The following CNTN4 variants were observed in gnomAD, a reference collection of about 807,000 sequenced individuals.
The protein encoded by CNTN4 is contactin 4, also known as contactin-4.
Under a neutral mutation model 122.5 loss-of-function variants are expected in CNTN4, and 77 were observed. The observed-to-expected ratio is 0.63, with a 90% CI of 0.52 to 0.76. CNTN4 has a LOEUF of 0.76. Among genes scored for constraint, CNTN4 ranks in the 30% least tolerant of loss-of-function variants. The pLI is 0.00. For synonymous variants in CNTN4, 512 were observed against 447.0 expected, an observed-to-expected ratio of 1.15 and a Z score of -1.83; for missense variants, 1,256 against 1,259.1, an observed-to-expected ratio of 1.00 and a Z score of 0.04.
At chr3:2,221,414 A>G (rs544348408) in intron 2 of CNTN4, among the ~76,000 whole-genome samples, 1 of 152,164 alleles carries the variant, frequency 6.6e-6, no homozygotes, top group South Asian at 2.1e-4. Context: ...AAAATTAATT[A>G]CAAATCATCT....
chr3:2,509,248 C>T (rs186163413), intron 3 of CNTN4, among the ~76,000 whole-genome samples: 4 of 152,294 alleles, frequency 2.6e-5, no homozygotes, highest in African/African-American at 7.2e-5. Flanking sequence ...GAACCTCACA[C>T]GAGCTGCGTG....
chr3:2,970,324 T>C (rs1302017502), intron 13 of CNTN4, among the ~76,000 whole-genome samples: 2 of 152,130 alleles, frequency 1.3e-5, no homozygotes, highest in Admixed American at 1.3e-4. Flanking sequence ...CTCAAACTCC[T>C]AGGATCGAGT....
chr3:2,819,568 A>G lies in CNTN4; in HGVS notation c.441A>G (p.Pro147=). ...GQGMVLLCGP[P]PHSGELSYAW... is the part of the protein sequence containing the mutation. ...GAATGGTGCTACTGTGTGGCCCGCC[A>G]CCCCATTCTGGAGGTACATATAAAT... Residue 147 remains proline, a synonymous_variant, in exon 7 of 25, where the codon CCA becomes CCG. Coordinates refer to ENST00000418658, the MANE Select transcript of CNTN4 (RefSeq NM_175607.3). 4 of 1,612,502 alleles carry G rather than the reference A, an allele frequency of 2.5e-6. No individual in the cohort carries two copies. Among genetic ancestry groups the G allele is most frequent in the Non-Finnish European group, 3.4e-6 (4 of 1,178,556 alleles).
intron 4 of CNTN4, among the ~76,000 whole-genome samples, chr3:2,708,754 C>G (rs1338054834): frequency 1.2e-5 from 1 of 84,436 alleles, no homozygotes; most frequent in Non-Finnish European, 2.8e-5. Context: ...CACACACACA[C>G]ACACACACAC....
intron 13 of CNTN4, among the ~76,000 whole-genome samples, chr3:2,962,342 A>G (rs1433758887): frequency 6.6e-6 from 1 of 152,218 alleles, no homozygotes; most frequent in Admixed American, 6.5e-5. Context: ...ATATTCAAAG[A>G]CAGCAGCTCT....
chr3:2,766,933 A>C (rs560485873), intron 6 of CNTN4, among the ~76,000 whole-genome samples: 75 of 152,294 alleles, frequency 4.9e-4, no homozygotes, highest in Non-Finnish European at 7.8e-4. Context: ...CTAAAGGTGG[A>C]AAGTGAGATT....
rs529211703 is a variant in CNTN4, at chr3:2,453,000, T to A, written c.-89+113767T>A. The stretch of plus-strand genomic sequence containing the variant: ...CAATGATTTTAATTTTGTTTCCTGA[T>A]TAGATCTTTGCAATTATTCGTAATG... On this transcript the variant is annotated intron_variant, in intron 3 of 24. Coordinates refer to ENST00000418658, the MANE Select transcript of CNTN4 (RefSeq NM_175607.3). Among the ~76,000 whole-genome samples the A allele has an allele frequency of 2.0e-5, 3 of 152,274 alleles. No individual in the cohort carries two copies. In the South Asian group the frequency reaches 6.2e-4, roughly 32 times the overall value.
intron 2 of CNTN4, among the ~76,000 whole-genome samples, chr3:2,277,628 A>G (rs1487593894): frequency 6.6e-6 from 1 of 152,156 alleles, no homozygotes; most frequent in Admixed American, 6.5e-5. Flanking sequence ...TATATGCATA[A>G]CTATTCAGGT....
chr3:2,988,278 G>T, intron 13 of CNTN4, 67 bp from the exon 14 acceptor site: 1 of 1,441,752 alleles, frequency 6.9e-7, no homozygotes, highest in Non-Finnish European at 9.7e-7. Context: ...CAGAATGACA[G>T]AACTAATTTG....
chr3:3,026,403 T>C (rs1698721663), intron 15 of CNTN4, 126 bp downstream of exon 15: 1 of 792,334 alleles, frequency 1.3e-6, no homozygotes, highest in Non-Finnish European at 2.1e-6. Context: ...GGTTAATTCC[T>C]GCTCCTTTTT....
intron 14 of CNTN4, among the ~76,000 whole-genome samples, chr3:3,014,697 G>A (rs78578441): frequency 1.3e-5 from 2 of 150,916 alleles, no homozygotes; most frequent in Non-Finnish European, 3.0e-5. Context: ...TTGTCTCTTG[G>A]CTTTAACATT....
At chr3:2,555,256 A>G (rs1248175643) in intron 3 of CNTN4, among the ~76,000 whole-genome samples, 1 of 152,140 alleles carries the variant, frequency 6.6e-6, no homozygotes, top group Non-Finnish European at 1.5e-5. Flanking sequence ...GTTCTGGATA[A>G]TTTCCTGATT....
At chr3:3,022,930 T>C (rs1409909653) in intron 14 of CNTN4, among the ~76,000 whole-genome samples, 1 of 152,180 alleles carries the variant, frequency 6.6e-6, no homozygotes, top group Non-Finnish European at 1.5e-5. Context: ...TCAGTTCTAA[T>C]TGCCTTTGAG....
At chr3:2,114,894 C>T (rs111765810) in intron 2 of CNTN4, among the ~76,000 whole-genome samples, 4 of 152,318 alleles carry the variant, frequency 2.6e-5, no homozygotes, top group African/African-American at 4.8e-5. Flanking sequence ...CATTTGCTGT[C>T]CTCAGACATT....
At chr3:2,769,165 C>T (rs143946510) in intron 6 of CNTN4, among the ~76,000 whole-genome samples, 1 of 152,156 alleles carries the variant, frequency 6.6e-6, no homozygotes, top group East Asian at 1.9e-4. Context: ...ATATGCACTA[C>T]ATTATTAAAA....
intron 3 of CNTN4, among the ~76,000 whole-genome samples, chr3:2,407,799 C>T (rs958173927): frequency 6.6e-6 from 1 of 152,092 alleles, no homozygotes; most frequent in Admixed American, 6.5e-5. Context: ...TAAGAAAATC[C>T]ACTATTTTGA....
At chr3:2,198,262 T>C (rs1167287432) in intron 2 of CNTN4, among the ~76,000 whole-genome samples, 1 of 152,182 alleles carries the variant, frequency 6.6e-6, no homozygotes, top group Non-Finnish European at 1.5e-5. Flanking sequence ...TTTATTACCA[T>C]TTGAAATATA....
chr3:2,465,581 G>A (rs1272747636), intron 3 of CNTN4, among the ~76,000 whole-genome samples: 1 of 152,122 alleles, frequency 6.6e-6, no homozygotes, highest in East Asian at 1.9e-4. Context: ...GGAGGCTGAG[G>A]CAGGAGAATT....
intron 3 of CNTN4, among the ~76,000 whole-genome samples, chr3:2,389,446 G>A (rs990096557): frequency 3.3e-5 from 5 of 152,114 alleles, no homozygotes; most frequent in African/African-American, 4.8e-5. Flanking sequence ...GAGAGGCCTT[G>A]CTTTCAACTA....
Sources: allele counts gnomAD v4.1 joint callset (sites outside exome capture counted in the v4.1 genomes callset), GRCh38; gene constraint gnomAD v4.1.1; transcripts MANE v1.5; gene names NCBI Gene and HGNC (gene_info 2026-07-23, HGNC 2026-07-21).